MAN2A1: variants seen among roughly 807,000 people sequenced by gnomAD.
The protein encoded by MAN2A1 is mannosidase alpha class 2A member 1.
Under a neutral mutation model 142.6 loss-of-function variants are expected in MAN2A1, and 76 were observed. The observed-to-expected ratio is 0.53, with a 90% CI of 0.44 to 0.65. The LOEUF is 0.65. MAN2A1 is among the 30% of genes least tolerant of loss of function. The pLI, the probability that MAN2A1 is intolerant of heterozygous loss-of-function variation, is 0.00. For missense variants in MAN2A1, 1,311 were observed against 1,365.1 expected (o/e 0.96, Z 0.62); for synonymous variants, 559 against 473.2 (o/e 1.18, Z -2.35).
At chr5:109,729,577 A>G (rs1438165470) in intron 4 of MAN2A1, 64 bp downstream of exon 4, 1 of 844,692 alleles carries the variant, frequency 1.2e-6, no homozygotes, top group African/African-American at 1.8e-5. Flanking sequence ...TGAACTAAGT[A>G]TTGAATTTTT....
At chr5:109,756,578 G>A (rs891317460) in intron 5 of MAN2A1, among the ~76,000 whole-genome samples, 3 of 152,054 alleles carry the variant, frequency 2.0e-5, no homozygotes, top group African/African-American at 7.2e-5. Context: ...CCTTCACCCA[G>A]ATTTACCAGT....
chr5:109,824,247 A>G (rs1479608925), intron 16 of MAN2A1, among the ~76,000 whole-genome samples: 1 of 152,242 alleles, frequency 6.6e-6, no homozygotes, highest in East Asian at 1.9e-4. Context: ...TAACTTTAAG[A>G]GAAAAATGTT....
intron 19 of MAN2A1, among the ~76,000 whole-genome samples, chr5:109,848,613 C>A (rs1480934847): frequency 2.0e-5 from 3 of 152,146 alleles, no homozygotes; most frequent in African/African-American, 7.2e-5. Context: ...TACAGTCCAT[C>A]ATCCTAGGCA....
intron 1 of MAN2A1, among the ~76,000 whole-genome samples, chr5:109,707,204 TATTA>T (rs1751158819): frequency 6.6e-6 from 1 of 152,208 alleles, no homozygotes; most frequent in Non-Finnish European, 1.5e-5. Context: ...AAAACCACCC[TATTA>T]ATTAGCTCTT....
At chr5:109,755,297 AT>A (rs1752659257) in intron 4 of MAN2A1, 31 bp from the exon 5 acceptor site, 1 of 1,547,106 alleles carries the variant, frequency 6.5e-7, no homozygotes, top group South Asian at 1.2e-5. Context: ...CTTAACATTT[AT>A]TAATGTAGAC....
intron 1 of MAN2A1, among the ~76,000 whole-genome samples, chr5:109,697,529 G>A (rs754571379): frequency 2.0e-5 from 3 of 152,154 alleles, no homozygotes; most frequent in Non-Finnish European, 4.4e-5. Context: ...TCTGCCACCT[G>A]TCTTTATAGG....
chr5:109,810,130 C>A (rs1421597938), intron 12 of MAN2A1, among the ~76,000 whole-genome samples: 2 of 151,676 alleles, frequency 1.3e-5, no homozygotes, highest in Non-Finnish European at 2.9e-5. Flanking sequence ...TTTCTCTTTC[C>A]TTGGCCATAT....
Position 109,868,020 on chromosome 5 carries a change from T to G in MAN2A1, c.*1022T>G, listed in dbSNP as rs1422973195. Reference sequence around the variant, plus strand: ...TTTGTGGTGATGTTACTCTAAACATTTTGACTATTTGAATGTACTGAGATG... The same window carrying G: ...TTTGTGGTGATGTTACTCTAAACATGTTGACTATTTGAATGTACTGAGATG... On this transcript the variant is annotated 3_prime_UTR_variant, in exon 22 of 22. Transcript: ENST00000261483. 1 of 152,128 alleles carries G rather than the reference T, an allele frequency of 6.6e-6. No homozygotes were observed. Among genetic ancestry groups the G allele is most frequent in the Non-Finnish European group, 1.5e-5 (1 of 68,002 alleles). 9.4% of individuals were successfully genotyped at this position (152,128 alleles called of 1,614,324 possible).
intron 4 of MAN2A1, among the ~76,000 whole-genome samples, chr5:109,737,709 T>G (rs1752145334): frequency 6.6e-6 from 1 of 152,236 alleles, no homozygotes; most frequent in East Asian, 1.9e-4. Context: ...ACTTCATTAG[T>G]GATGTAGACA....
At position 109,789,393 on chromosome 5, in the gene MAN2A1, C is replaced by G. The variant is rs1216300833; in HGVS notation, c.1876-67C>G. 1.2e-5 allele frequency: 11 copies of G among 894,066 alleles called. No homozygotes were observed. The East Asian group carries it at 3.0e-4, about 24-fold the overall frequency. The allele number at this position is 894,066 out of a possible 1,614,324, so 55.4% of individuals were successfully genotyped here. A position where few individuals can be genotyped will look rare whatever the true frequency, so the allele number is the denominator to read the frequency against. On this transcript the variant is annotated intron_variant, in intron 11 of 21. Transcript: ENST00000261483. ...CCTCCTAAACTTGAATTTGAATGGT[C>G]TTCTGGTTTCAGGATGAGTCCATGG...
chr5:109,827,921 G>C (rs767519034), intron 16 of MAN2A1, among the ~76,000 whole-genome samples: 2 of 151,988 alleles, frequency 1.3e-5, no homozygotes, highest in Non-Finnish European at 2.9e-5. Flanking sequence ...CTAACAAGGT[G>C]AAAGAAACCC....
At chr5:109,741,815 CTGTTTTTTTG>C (rs1561488701) in intron 4 of MAN2A1, among the ~76,000 whole-genome samples, 1 of 152,142 alleles carries the variant, frequency 6.6e-6, no homozygotes, top group South Asian at 2.1e-4. Context: ...TCTATATTTT[CTGTTTTTTTG>C]TGTGATCTGA....
intron 12 of MAN2A1, among the ~76,000 whole-genome samples, chr5:109,812,345 C>G (rs1754342667): frequency 6.6e-6 from 1 of 151,864 alleles, no homozygotes; most frequent in Non-Finnish European, 1.5e-5. Context: ...TCTAGTATAA[C>G]TCAAAAAGAC....
In MAN2A1 at chr5:109,774,858, C is replaced by T. The variant is rs1753241503; in HGVS notation, c.1267C>T (p.Leu423=). 1.2e-6 allele frequency: 2 copies of T among 1,612,524 alleles called. No homozygotes were observed. Among genetic ancestry groups the T allele is most frequent in the Admixed American group, 3.3e-5 (2 of 59,822 alleles). Reference sequence around the variant, plus strand: ...TCGTACCAAAGTTCTCCTGGCTCCACTAGGAGATGATTTCCGCTACTGTGA... The same window carrying T: ...TCGTACCAAAGTTCTCCTGGCTCCATTAGGAGATGATTTCCGCTACTGTGA... The part of the protein sequence containing the change: ...LFRTKVLLAP[L]GDDFRYCEYT... Residue 423 remains leucine, a synonymous_variant, in exon 8 of 22, where the codon CTA becomes TTA. Transcript: ENST00000261483.
chr5:109,752,845 T>C (rs1369262678), intron 4 of MAN2A1, among the ~76,000 whole-genome samples: 2 of 152,216 alleles, frequency 1.3e-5, no homozygotes, highest in African/African-American at 4.8e-5. Context: ...CCAGGCATCA[T>C]GGAGGAGAAA....
chr5:109,703,672 C>A (rs1751050383), intron 1 of MAN2A1, among the ~76,000 whole-genome samples: 1 of 152,162 alleles, frequency 6.6e-6, no homozygotes, highest in Non-Finnish European at 1.5e-5. Flanking sequence ...AGAAAGAGTT[C>A]TGTTAGTCAA....
At chr5:109,856,483 C>T (rs1190546094) in intron 20 of MAN2A1, among the ~76,000 whole-genome samples, 1 of 152,180 alleles carries the variant, frequency 6.6e-6, no homozygotes, top group Non-Finnish European at 1.5e-5. Flanking sequence ...TGCTCTGGCA[C>T]TGCTGTCTCT....
In MAN2A1 at chr5:109,730,513, T is replaced by C. The variant is rs1751873490; in HGVS notation, c.707+1000T>C. ...TAGAGGTCAAATAAATAGTGCTTTT[T>C]TTCTTCCTAATTTCATTTTTTACCA... is the stretch of plus-strand genomic sequence containing the variant. On this transcript the variant is annotated intron_variant, in intron 4 of 21. Coordinates refer to ENST00000261483, the MANE Select transcript of MAN2A1 (RefSeq NM_002372.4). Among the ~76,000 whole-genome samples, 3 of 151,752 alleles carry C rather than the reference T, an allele frequency of 2.0e-5. No homozygotes were observed. In the South Asian group the frequency reaches 6.2e-4, roughly 31 times the overall value.
chr5:109,791,799 G>A (rs1164904089), intron 12 of MAN2A1, among the ~76,000 whole-genome samples: 2 of 151,858 alleles, frequency 1.3e-5, no homozygotes, highest in African/African-American at 2.4e-5. Flanking sequence ...GAGTCCTTAG[G>A]GAGGTGATAA....
Sources: gnomAD v4.1 joint callset for allele counts (sites outside exome capture counted in the v4.1 genomes callset) on GRCh38, gnomAD v4.1.1 for gene constraint, MANE v1.5 for transcripts, NCBI Gene and HGNC (gene_info 2026-07-23, HGNC 2026-07-21) for gene names.